The following STK11 variants were observed in gnomAD, a reference collection of about 807,000 sequenced individuals.
STK11 encodes the protein serine/threonine-protein kinase STK11.
STK11 carries 8 observed loss-of-function variants against 47.3 expected under a neutral mutation model. The observed-to-expected ratio is 0.17, with a 90% CI of 0.10 to 0.31. STK11 has a LOEUF of 0.31. Among genes scored for constraint, STK11 ranks in the 10% least tolerant of loss-of-function variants. The pLI is 1.00. For missense variants in STK11, 475 were observed against 605.0 expected, an observed-to-expected ratio of 0.79 and a Z score of 2.25; for synonymous variants, 330 against 255.8, an observed-to-expected ratio of 1.29 and a Z score of -2.77.
At chr19:1,207,225 CG>C in intron 1 of STK11, 22 bp downstream of exon 1, 1 of 1,579,772 alleles carries the variant, frequency 6.3e-7, no homozygotes, top group Non-Finnish European at 8.6e-7. Flanking sequence ...TTGCTGGGGT[CG>C]GGGCCGGGCC....
chr19:1,207,498 C>A (rs1283494627), intron 1 of STK11, among the ~76,000 whole-genome samples: 1 of 152,192 alleles, frequency 6.6e-6, no homozygotes, highest in Non-Finnish European at 1.5e-5. Context: ...GGCCCCCAAT[C>A]CCCTAAGACT....
rs932485904 is a variant in STK11, at chr19:1,225,171, G to C, written c.1109-1283G>C. 2.9e-5 allele frequency: 29 copies of C among 985,518 alleles called. No individual in the cohort carries two copies. In the African/African-American group the frequency reaches 3.3e-4, roughly 11 times the overall value. 61.0% of individuals were successfully genotyped at this position (985,518 alleles called of 1,614,324 possible). A position where few individuals can be genotyped will look rare whatever the true frequency, so the allele number is the denominator to read the frequency against. ...AGTGGCGGCTGTGCCCGCTGATGCA[G>C]AGCTGGGGCACCTTGTCCACAGGGT... On this transcript the variant is annotated intron_variant, in intron 8 of 9. Transcript: ENST00000326873.
chr19:1,223,749 T>TGAG, intron 8 of STK11: 1 of 1,040,632 alleles, frequency 9.6e-7, no homozygotes, highest in Non-Finnish European at 1.2e-6. Flanking sequence ...CAGTAGTGCC[T>TGAG]GAGGAGGAGC....
At chr19:1,210,888 C>G (rs977629680) in intron 1 of STK11, among the ~76,000 whole-genome samples, 1 of 151,380 alleles carries the variant, frequency 6.6e-6, no homozygotes, top group African/African-American at 2.4e-5. Flanking sequence ...TGGGGCCGGG[C>G]GTGGTGGCTC....
At chr19:1,219,280 G>A (rs1380888921) in intron 2 of STK11, 44 bp from the exon 3 acceptor site, 2 of 1,552,648 alleles carry the variant, frequency 1.3e-6, no homozygotes, top group African/African-American at 1.4e-5. Flanking sequence ...CCCTGGGCCT[G>A]TGAGTGGGGC....
chr19:1,209,777 G>C (rs957205608), intron 1 of STK11, among the ~76,000 whole-genome samples: 8 of 151,988 alleles, frequency 5.3e-5, no homozygotes, highest in African/African-American at 1.9e-4. Context: ...TGAACGGTAG[G>C]GCAGAGCCTG....
intron 7 of STK11, 74 bp downstream of exon 7, chr19:1,222,080 G>T: frequency 6.6e-7 from 1 of 1,512,230 alleles, no homozygotes. Context: ...TTGAGCGGGC[G>T]CTAGAGCAGG....
chr19:1,223,260 A>G, intron 8 of STK11, 88 bp downstream of exon 8: 2 of 1,454,250 alleles, frequency 1.4e-6, no homozygotes, highest in Non-Finnish European at 1.9e-6. Context: ...TGCAACAAGG[A>G]CAGCTTCTGC....
intron 1 of STK11, among the ~76,000 whole-genome samples, chr19:1,207,419 G>A (rs1568690858): frequency 1.3e-5 from 2 of 152,214 alleles, no homozygotes; most frequent in Non-Finnish European, 2.9e-5. Context: ...GCAGCGGGGC[G>A]TGCGTTTGCA....
rs1217986061 is a variant in STK11, at chr19:1,227,717, C to A, written c.*141C>A. ...CGACCACGCCCCAGGACCTCCGGAG[C>A]GCCCTGCAGGGCCGGGCAGGGGGAC... On this transcript the variant is annotated 3_prime_UTR_variant, in exon 10 of 10. Transcript: ENST00000326873. 2 of 1,070,984 alleles carry A rather than the reference C, an allele frequency of 1.9e-6. No individual in the cohort carries two copies. The highest frequency in any genetic ancestry group is 1.6e-5 in the African/African-American group (1 of 61,244). 66.3% of individuals were successfully genotyped at this position (1,070,984 alleles called of 1,614,324 possible).
intron 5 of STK11, 57 bp downstream of exon 5, chr19:1,220,774 G>A (rs972016124): frequency 4.3e-5 from 66 of 1,545,622 alleles, no homozygotes; most frequent in South Asian, 1.2e-4. Context: ...GGGCCTCTGC[G>A]TCTTGGGCAG....
At position 1,226,923 on chromosome 19, in the gene STK11, CCT is replaced by C. The variant is rs145983841; in HGVS notation, c.*16+264_*16+265del. Reference sequence around the variant, plus strand: ...GGGGGGCGTGCCGTCCTCACAGCCACCTCTCAGAGTGGGTGCATTCCGAGGAC... The same window carrying C: ...GGGGGGCGTGCCGTCCTCACAGCCACCTCAGAGTGGGTGCATTCCGAGGAC... On this transcript the variant is annotated intron_variant, in intron 9 of 9. Coordinates refer to ENST00000326873, the MANE Select transcript of STK11 (RefSeq NM_000455.5). 1.3e-3 allele frequency: 630 copies of C among 488,124 alleles called. 1 individual carries two copies. The highest frequency in any genetic ancestry group is 0.011 in the African/African-American group (544 of 48,518). The allele number at this position is 488,124 out of a possible 1,614,324, so 30.2% of individuals were successfully genotyped here. A position where few individuals can be genotyped will look rare whatever the true frequency, so the allele number is the denominator to read the frequency against.
chr19:1,220,240 T>C (rs2080772803), intron 3 of STK11, 133 bp from the exon 4 acceptor site: 1 of 1,248,342 alleles, frequency 8.0e-7, no homozygotes, highest in Non-Finnish European at 1.1e-6. Flanking sequence ...CTTTCCTCTG[T>C]CCTGTGTGCC....
At chr19:1,210,324 T>C (rs1041837204) in intron 1 of STK11, among the ~76,000 whole-genome samples, 1 of 152,100 alleles carries the variant, frequency 6.6e-6, no homozygotes, top group Admixed American at 6.5e-5. Context: ...TTTAATAAAC[T>C]CCGCTCAGAT....
chr19:1,207,806 C>T (rs2080678569), intron 1 of STK11, among the ~76,000 whole-genome samples: 1 of 152,214 alleles, frequency 6.6e-6, no homozygotes, highest in South Asian at 2.1e-4. Flanking sequence ...GAAGCCCTGC[C>T]CGAGGGGGAC....
chr19:1,225,748 G>T (rs1375698968), intron 8 of STK11: 3 of 985,444 alleles, frequency 3.0e-6, no homozygotes, highest in Non-Finnish European at 3.6e-6. Flanking sequence ...GGGGCCTCGG[G>T]GATGGCTCGG....
chr19:1,217,828 C>G (rs999489639), intron 1 of STK11, among the ~76,000 whole-genome samples: 1 of 152,204 alleles, frequency 6.6e-6, no homozygotes, highest in African/African-American at 2.4e-5. Context: ...TCCATCTGTG[C>G]TACCATTGCA....
rs556096131 is a variant in STK11 at position 1,226,904 on chromosome 19, C to A, written c.*16+241C>A. On this transcript the variant is annotated intron_variant, in intron 9 of 9. Coordinates refer to ENST00000326873, the MANE Select transcript of STK11 (RefSeq NM_000455.5). ...TACGTGTGGCGGGGCTCTGGGGGGG[C>A]GTGCCGTCCTCACAGCCACCTCTCA... 9.5e-4 allele frequency: 488 copies of A among 515,964 alleles called. 3 individuals carry two copies. Among genetic ancestry groups the A allele is most frequent in the African/African-American group, 9.2e-3 (452 of 49,104 alleles). The allele number at this position is 515,964 out of a possible 1,614,324, so 32.0% of individuals were successfully genotyped here. A position where few individuals can be genotyped will look rare whatever the true frequency, so the allele number is the denominator to read the frequency against.
rs191273506 is a variant in STK11 at position 1,222,035 on chromosome 19, G to C, written c.920+29G>C. The C allele has an allele frequency of 1.3e-5, 20 of 1,556,508 alleles. 1 individual carries two copies. In the African/African-American group the frequency reaches 2.2e-4, roughly 17 times the overall value. ...AGCGGCCCCTGGGGGCAGTGGGGCC[G>C]AGGCTGCAGGGAGGCCGGCCATGTG... On this transcript the variant is annotated intron_variant, in intron 7 of 9. Coordinates refer to ENST00000326873, the MANE Select transcript of STK11 (RefSeq NM_000455.5).
Sources: allele counts gnomAD v4.1 joint callset (sites outside exome capture counted in the v4.1 genomes callset), GRCh38; gene constraint gnomAD v4.1.1; transcripts MANE v1.5; gene names NCBI Gene and HGNC (gene_info 2026-07-23, HGNC 2026-07-21).